The following CENPP variants were observed in gnomAD, a reference collection of about 807,000 sequenced individuals.
CENPP encodes centromere protein P.
CENPP carries 24 observed loss-of-function variants against 35.6 expected under a neutral mutation model. The observed-to-expected ratio is 0.67, with a 90% confidence interval of 0.49 to 0.95. The LOEUF is 0.95. Among genes scored for constraint, CENPP ranks in the 40% least tolerant of loss-of-function variants. The pLI is 0.00. For missense variants in CENPP, 332 were observed against 345.3 expected (o/e 0.96, Z 0.31); for synonymous variants, 120 against 125.5 (o/e 0.96, Z 0.29).
At chr9:92,480,394 G>A (rs536735427) in intron 5 of CENPP, among the ~76,000 whole-genome samples, 145 of 152,206 alleles carry the variant, frequency 9.5e-4, no homozygotes, top group Non-Finnish European at 1.7e-3. Flanking sequence ...GGAGCTGAGG[G>A]CTGGCTTCCT....
intron 5 of CENPP, among the ~76,000 whole-genome samples, chr9:92,596,783 A>T (rs969159325): frequency 1.3e-5 from 2 of 151,938 alleles, no homozygotes; most frequent in African/African-American, 4.8e-5. Context: ...TCTGGGCCCC[A>T]CTGTGGCTTT....
At chr9:92,437,659 C>T (rs1025863047) in intron 5 of CENPP, among the ~76,000 whole-genome samples, 11 of 152,164 alleles carry the variant, frequency 7.2e-5, no homozygotes, top group Non-Finnish European at 1.0e-4. Flanking sequence ...ATCCACTCTG[C>T]TTCCCAAAGT....
chr9:92,342,096 C>T (rs538434897), intron 3 of CENPP, among the ~76,000 whole-genome samples: 1 of 152,358 alleles, frequency 6.6e-6, no homozygotes, highest in East Asian at 1.9e-4. Flanking sequence ...AGTCATGGCA[C>T]AATGATCACA....
At chr9:92,384,951 A>G (rs1228842958) in intron 5 of CENPP, 1 of 152,552 alleles carries the variant, frequency 6.6e-6, no homozygotes, top group East Asian at 1.9e-4. Flanking sequence ...GATAAAGAAA[A>G]TATTTTACTG....
At chr9:92,364,061 G>A (rs1841827796) in intron 4 of CENPP, among the ~76,000 whole-genome samples, 1 of 152,040 alleles carries the variant, frequency 6.6e-6, no homozygotes, top group Admixed American at 6.6e-5. Flanking sequence ...TGTTGCCCAG[G>A]CTGGTCTTGA....
chr9:92,418,390 AT>A (rs959049639), intron 5 of CENPP, among the ~76,000 whole-genome samples: 6,076 of 145,188 alleles, frequency 0.042, 137 homozygotes, highest in Middle Eastern at 0.063. Flanking sequence ...CCTGGCCGAG[AT>A]TTTTTTTTTT....
At chr9:92,528,867 G>T (rs537921731) in intron 5 of CENPP, among the ~76,000 whole-genome samples, 2 of 152,218 alleles carry the variant, frequency 1.3e-5, no homozygotes, top group Non-Finnish European at 2.9e-5. Flanking sequence ...AGGAAAAGTT[G>T]ACCCATAATG....
chr9:92,367,109 A>G (rs1250849290), intron 4 of CENPP, among the ~76,000 whole-genome samples: 11 of 152,214 alleles, frequency 7.2e-5, no homozygotes, highest in Admixed American at 7.2e-4. Flanking sequence ...GATTAATAAG[A>G]CAAAAGTTGT....
At chr9:92,477,785 C>T (rs913097070) in intron 5 of CENPP, among the ~76,000 whole-genome samples, 2 of 151,872 alleles carry the variant, frequency 1.3e-5, no homozygotes, top group Admixed American at 6.6e-5. Flanking sequence ...AATACGAGAT[C>T]GTAAAGTTAA....
At chr9:92,485,460 A>G (rs1456128626) in intron 5 of CENPP, among the ~76,000 whole-genome samples, 1 of 152,264 alleles carries the variant, frequency 6.6e-6, no homozygotes, top group African/African-American at 2.4e-5. Flanking sequence ...ATGAATAAAA[A>G]TATTGATTGC....
At chr9:92,459,728 C>G (rs1199264142) in intron 5 of CENPP, 2 of 1,613,306 alleles carry the variant, frequency 1.2e-6, no homozygotes, top group Non-Finnish European at 1.7e-6. Context: ...TAGCAAGACT[C>G]CCATTTTCGA....
intron 5 of CENPP, among the ~76,000 whole-genome samples, chr9:92,595,629 C>T (rs1325157132): frequency 6.6e-6 from 1 of 150,750 alleles, no homozygotes; most frequent in Non-Finnish European, 1.5e-5. Flanking sequence ...GCAGTGGCAC[C>T]ATCTCGGCTC....
intron 5 of CENPP, chr9:92,514,904 C>T: frequency 6.2e-7 from 1 of 1,613,686 alleles, no homozygotes; most frequent in Non-Finnish European, 8.5e-7. Context: ...TGCTGGTGTG[C>T]CAGCCTCCTC....
At chr9:92,576,752 C>G (rs939847433) in intron 5 of CENPP, among the ~76,000 whole-genome samples, 2 of 152,022 alleles carry the variant, frequency 1.3e-5, no homozygotes, top group Admixed American at 1.3e-4. Flanking sequence ...AGTGTCTCAG[C>G]CTCTCCCAAA....
intron 5 of CENPP, among the ~76,000 whole-genome samples, chr9:92,527,053 G>A (rs943994922): frequency 6.6e-6 from 1 of 152,166 alleles, no homozygotes; most frequent in Admixed American, 6.6e-5. Flanking sequence ...CTGCCACCCA[G>A]GCTGGAGTGC....
intron 5 of CENPP, among the ~76,000 whole-genome samples, chr9:92,598,936 C>T (rs139905876): frequency 0.026 from 3,901 of 151,898 alleles, 58 homozygotes; most frequent in Non-Finnish European, 0.041. Context: ...AGTGAAACCC[C>T]ATCTCTACTA....
chr9:92,497,224 G>T (rs1008595152), intron 5 of CENPP, among the ~76,000 whole-genome samples: 1 of 152,104 alleles, frequency 6.6e-6, no homozygotes, highest in Non-Finnish European at 1.5e-5. Flanking sequence ...CTATCAATAC[G>T]GAACTGATTG....
intron 5 of CENPP, chr9:92,417,597 C>A (rs1418226993): frequency 2.3e-6 from 3 of 1,288,276 alleles, no homozygotes; most frequent in Non-Finnish European, 2.1e-6. Flanking sequence ...GAAAAGGAAA[C>A]ATTGTGGAGA....
chr9:92,389,900 T>G, intron 5 of CENPP: 1 of 1,613,216 alleles, frequency 6.2e-7, no homozygotes, highest in Non-Finnish European at 8.5e-7. Context: ...TTTGTTGTAT[T>G]TTGCATTAAA....
Sources: allele counts gnomAD v4.1 joint callset (sites outside exome capture counted in the v4.1 genomes callset), GRCh38; gene constraint gnomAD v4.1.1; transcripts MANE v1.5; gene names NCBI Gene and HGNC (gene_info 2026-07-23, HGNC 2026-07-21).